Variants in L3HYPDH observed in about 807,000 individuals in gnomAD.
L3HYPDH encodes trans-3-hydroxy-L-proline dehydratase.
L3HYPDH carries 32 observed loss-of-function variants against 26.5 expected under a neutral mutation model. The ratio of observed to expected loss-of-function variants is 1.21; its 90% CI spans 0.91 to 1.62. L3HYPDH has a LOEUF of 1.62. L3HYPDH is among the 40% of genes most tolerant of loss of function. The pLI is 0.00. For synonymous variants in L3HYPDH, 215 were observed against 196.6 expected (o/e 1.09, Z -0.78); for missense variants, 554 against 476.4 (o/e 1.16, Z -1.52).
intron 1 of L3HYPDH, among the ~76,000 whole-genome samples, chr14:59,480,232 C>A (rs970927916): frequency 6.6e-6 from 1 of 152,160 alleles, no homozygotes; most frequent in Non-Finnish European, 1.5e-5. Flanking sequence ...AAATATTTCT[C>A]CTAGAGATAA....
At chr14:59,471,185 G>GC (rs1889303026), downstream of L3HYPDH, among the ~76,000 whole-genome samples, 1 of 152,182 alleles carries the variant, frequency 6.6e-6, no homozygotes, top group African/African-American at 2.4e-5. Flanking sequence ...GAACACTATT[G>GC]CAAGAGTTCA....
chr14:59,469,934 A>G (rs1275978915), downstream of L3HYPDH, among the ~76,000 whole-genome samples: 1 of 152,222 alleles, frequency 6.6e-6, no homozygotes, highest in Non-Finnish European at 1.5e-5. Context: ...AAGAAAGAAA[A>G]GGACCATGGA....
chr14:59,484,959 A>T (rs1890414447), upstream of L3HYPDH: 1 of 1,526,764 alleles, frequency 6.5e-7, no homozygotes, highest in Non-Finnish European at 8.7e-7. Context: ...GTTGCTGCAT[A>T]ATTTGTCTAC....
chr14:59,501,603 G>C, the L3HYPDH span, among the ~76,000 whole-genome samples: 1 of 152,042 alleles, frequency 6.6e-6, no homozygotes, highest in African/African-American at 2.4e-5. Context: ...CCATAAAAAT[G>C]TTTTATATTT....
downstream of L3HYPDH, among the ~76,000 whole-genome samples, chr14:59,472,195 A>C (rs898597391): frequency 6.6e-6 from 1 of 152,252 alleles, no homozygotes; most frequent in African/African-American, 2.4e-5. Context: ...AATAGTAAGC[A>C]TTTATTTCAT....
At chr14:59,468,056 G>C (rs1889235933), downstream of L3HYPDH, among the ~76,000 whole-genome samples, 1 of 125,640 alleles carries the variant, frequency 8.0e-6, no homozygotes, top group Non-Finnish European at 1.7e-5. Flanking sequence ...TAGGCATAAT[G>C]CTCTTAAAAA....
the L3HYPDH span, among the ~76,000 whole-genome samples, chr14:59,489,837 A>C: frequency 1.3e-5 from 2 of 152,180 alleles, no homozygotes; most frequent in African/African-American, 4.8e-5. Context: ...GAGAGGAGGC[A>C]GGAGGCAAAG....
chr14:59,475,741 T>C, intron 4 of L3HYPDH, 128 bp downstream of exon 4: 1 of 1,057,334 alleles, frequency 9.5e-7, no homozygotes. Context: ...TGAAAAGAAG[T>C]TTTTACAGGC....
intron 4 of L3HYPDH, among the ~76,000 whole-genome samples, chr14:59,473,725 G>A (rs1889431015): frequency 6.6e-6 from 1 of 152,190 alleles, no homozygotes; most frequent in Non-Finnish European, 1.5e-5. Flanking sequence ...ACATTTGGGA[G>A]TCATCATCAG....
At chr14:59,486,362 G>C (rs1890572831), upstream of L3HYPDH, among the ~76,000 whole-genome samples, 1 of 152,150 alleles carries the variant, frequency 6.6e-6, no homozygotes, top group South Asian at 2.1e-4. Flanking sequence ...ACCCTCTACT[G>C]GTGCTCTAAT....
chr14:59,503,346 G>C, the L3HYPDH span, among the ~76,000 whole-genome samples: 20 of 152,144 alleles, frequency 1.3e-4, no homozygotes, highest in Non-Finnish European at 2.1e-4. Flanking sequence ...TAGCATACAG[G>C]TGTATTAAGG....
Position 59,484,121 on chromosome 14 carries a change from T to C in L3HYPDH, c.196A>G (p.Met66Val), listed in dbSNP as rs776937282. The C allele has an allele frequency of 6.2e-7, 1 of 1,603,392 alleles. No homozygotes were observed. The highest frequency in any genetic ancestry group is 8.5e-7 in the Non-Finnish European group (1 of 1,179,104). The change falls in exon 1 of 5, where the codon ATG becomes GTG. Residue 66 changes from methionine to valine, a missense_variant. By Grantham distance (21) the Met-to-Val change is conservative. Coordinates refer to ENST00000247194, the MANE Select transcript of L3HYPDH (RefSeq NM_144581.2). ...TCCCGGTGCCCTCGGGGCTCGAACATGAGCCGTCGCCGCACGTGGTCAAGG... is the reference window on the plus strand; with the variant it reads ...TCCCGGTGCCCTCGGGGCTCGAACACGAGCCGTCGCCGCACGTGGTCAAGG... ...QHLDHVRRRL[M>V]FEPRGHRDMY...
the L3HYPDH span, chr14:59,494,945 C>A: frequency 4.9e-6 from 5 of 1,022,952 alleles, no homozygotes; most frequent in African/African-American, 4.7e-5. Flanking sequence ...TATCTTGACA[C>A]ATGTACATGT....
At chr14:59,482,034 TAGTTACTCATTCAACAAACATTC>T (rs1413671827) in intron 1 of L3HYPDH, among the ~76,000 whole-genome samples, 2 of 152,260 alleles carry the variant, frequency 1.3e-5, no homozygotes, top group African/African-American at 2.4e-5. Flanking sequence ...TTCATTTATT[TAGTTACTCATTCAACAAACATTC>T]ATTGACTGAC....
At chr14:59,470,044 AT>A (rs1889274538), downstream of L3HYPDH, among the ~76,000 whole-genome samples, 1 of 152,170 alleles carries the variant, frequency 6.6e-6, no homozygotes, top group Non-Finnish European at 1.5e-5. Flanking sequence ...CTATTGAGAA[AT>A]CAGCTGTTTT....
At chr14:59,466,628 T>C (rs1057362757) in intron 1 of L3HYPDH, among the ~76,000 whole-genome samples, 1 of 152,208 alleles carries the variant, frequency 6.6e-6, no homozygotes, top group Non-Finnish European at 1.5e-5. Flanking sequence ...GAATGACTAG[T>C]ATATTTGTAG....
chr14:59,502,578 T>G, the L3HYPDH span, among the ~76,000 whole-genome samples: 1 of 152,160 alleles, frequency 6.6e-6, no homozygotes, highest in Non-Finnish European at 1.5e-5. Flanking sequence ...ATAGTGATTA[T>G]TCAGTTGTTT....
At chr14:59,476,513 T>A (rs1409991459) in intron 2 of L3HYPDH, among the ~76,000 whole-genome samples, 2 of 152,148 alleles carry the variant, frequency 1.3e-5, no homozygotes, top group African/African-American at 2.4e-5. Context: ...CAAATACACA[T>A]AGTCTTTGCA....
At chr14:59,474,666 A>G (rs549680099) in intron 4 of L3HYPDH, 2 of 574,362 alleles carry the variant, frequency 3.5e-6, no homozygotes, top group Non-Finnish European at 6.1e-6. Context: ...TAAATTACCT[A>G]ACTTCTCCAA....
Sources: gnomAD v4.1 joint callset for allele counts (sites outside exome capture counted in the v4.1 genomes callset) on GRCh38, gnomAD v4.1.1 for gene constraint, MANE v1.5 for transcripts, NCBI Gene and HGNC (gene_info 2026-07-23, HGNC 2026-07-21) for gene names.